GULP1: variants seen among roughly 807,000 people sequenced by gnomAD.
GULP1 encodes the protein GULP PTB domain containing engulfment adaptor 1.
GULP1 carries 19 observed loss-of-function variants against 40.9 expected under a neutral mutation model. The observed-to-expected ratio is 0.46, with a 90% confidence interval of 0.32 to 0.68. The LOEUF is 0.68. Among genes scored for constraint, GULP1 ranks in the 30% least tolerant of loss-of-function variants. The pLI is 0.03. For missense variants in GULP1, 312 were observed against 362.2 expected (o/e 0.86, Z 1.12); for synonymous variants, 119 against 117.6 (o/e 1.01, Z -0.08).
intron 7 of GULP1, among the ~76,000 whole-genome samples, chr2:188,561,748 T>C (rs1460323230): frequency 6.6e-6 from 1 of 152,150 alleles, no homozygotes; most frequent in African/African-American, 2.4e-5. Flanking sequence ...GGCGTTGGCC[T>C]TGGTAGCCAC....
At chr2:188,413,546 TG>T (rs2054188821) in intron 2 of GULP1, among the ~76,000 whole-genome samples, 1 of 152,204 alleles carries the variant, frequency 6.6e-6, no homozygotes, top group Admixed American at 6.5e-5. Context: ...TTTGATTTTT[TG>T]TTGTAAATTT....
At chr2:188,352,618 T>TCACACACACA (rs66499080) in intron 1 of GULP1, among the ~76,000 whole-genome samples, 2,566 of 134,420 alleles carry the variant, frequency 0.019, 33 homozygotes, top group Non-Finnish European at 0.022. Flanking sequence ...TCTCTCTCTC[T>TCACACACACA]CACACACACA....
intron 2 of GULP1, among the ~76,000 whole-genome samples, chr2:188,435,690 A>G (rs1163373566): frequency 5.3e-5 from 8 of 152,102 alleles, no homozygotes; most frequent in Admixed American, 4.6e-4. Flanking sequence ...GGACTCTACT[A>G]GAGAAGAATC....
intron 7 of GULP1, among the ~76,000 whole-genome samples, chr2:188,549,875 C>T (rs980222187): frequency 6.6e-6 from 1 of 151,654 alleles, no homozygotes; most frequent in African/African-American, 2.4e-5. Flanking sequence ...ATTTCTATAA[C>T]ATTCTTAAAA....
At chr2:188,395,302 C>T (rs1162698774) in intron 2 of GULP1, among the ~76,000 whole-genome samples, 2 of 152,202 alleles carry the variant, frequency 1.3e-5, no homozygotes, top group Non-Finnish European at 2.9e-5. Context: ...TGTGCATATT[C>T]CAAGTAGAGT....
intron 1 of GULP1, among the ~76,000 whole-genome samples, chr2:188,302,924 A>G (rs562367442): frequency 6.6e-6 from 1 of 152,244 alleles, no homozygotes; most frequent in African/African-American, 2.4e-5. Context: ...TTTGGCTACA[A>G]ATTCCTACTT....
intron 4 of GULP1, among the ~76,000 whole-genome samples, chr2:188,508,104 G>A (rs1443359453): frequency 1.3e-5 from 2 of 151,788 alleles, no homozygotes; most frequent in Admixed American, 6.6e-5. Flanking sequence ...AAAAATACTC[G>A]TAGAAGTTGC....
At chr2:188,473,460 A>G (rs7579249) in intron 2 of GULP1, among the ~76,000 whole-genome samples, 19,024 of 152,172 alleles carry the variant, frequency 0.13, 1,516 homozygotes, top group Non-Finnish European at 0.18. Context: ...CTGGTGTTCT[A>G]TTGTACTGTG....
intron 2 of GULP1, among the ~76,000 whole-genome samples, chr2:188,466,936 C>G (rs771775617): frequency 2.0e-5 from 3 of 151,996 alleles, no homozygotes; most frequent in African/African-American, 4.8e-5. Context: ...CCAAGTGTCT[C>G]TTTCATAATA....
chr2:188,333,971 G>A (rs912810527), intron 1 of GULP1, among the ~76,000 whole-genome samples: 1 of 152,110 alleles, frequency 6.6e-6, no homozygotes, highest in Non-Finnish European at 1.5e-5. Context: ...CAGCTGCAGG[G>A]CCTGCTGAAT....
rs537000819 is a variant in GULP1, at chr2:188,427,017, T to C, written c.-45+43128T>C. On this transcript the variant is annotated intron_variant, in intron 2 of 11. Coordinates refer to ENST00000409830, the MANE Select transcript of GULP1 (RefSeq NM_016315.4). ...ACTGGAGCAAAGGTCACTTTTGTTA[T>C]AGGTTAGGAAAGAGCTTGGTTGCAT... Among the ~76,000 whole-genome samples the C allele has an allele frequency of 2.6e-5, 4 of 152,276 alleles. No homozygotes were observed. In the East Asian group the frequency reaches 7.7e-4, roughly 29 times the overall value.
At chr2:188,519,549 T>C (rs1290233953) in intron 4 of GULP1, among the ~76,000 whole-genome samples, 1 of 152,188 alleles carries the variant, frequency 6.6e-6, no homozygotes, top group Non-Finnish European at 1.5e-5. Flanking sequence ...CGCAGTGATA[T>C]GATAAATTCA....
intron 3 of GULP1, among the ~76,000 whole-genome samples, chr2:188,478,398 G>A (rs1486028502): frequency 6.6e-6 from 1 of 152,106 alleles, no homozygotes; most frequent in African/African-American, 2.4e-5. Context: ...GGTCAGTGAA[G>A]TTTAAATAAT....
chr2:188,311,741 A>G (rs1252552161), intron 1 of GULP1, among the ~76,000 whole-genome samples: 4 of 148,010 alleles, frequency 2.7e-5, no homozygotes, highest in Non-Finnish European at 6.0e-5. Context: ...TTATAAATCT[A>G]ATATTTATAT....
At chr2:188,372,075 G>C (rs2047672295) in intron 1 of GULP1, among the ~76,000 whole-genome samples, 2 of 152,108 alleles carry the variant, frequency 1.3e-5, no homozygotes, top group Non-Finnish European at 2.9e-5. Flanking sequence ...TGTCGTTGCT[G>C]TGAATGGTTA....
intron 1 of GULP1, among the ~76,000 whole-genome samples, chr2:188,377,630 C>G (rs938324547): frequency 6.6e-6 from 1 of 152,052 alleles, no homozygotes; most frequent in Non-Finnish European, 1.5e-5. Context: ...CCCAAACTTT[C>G]GATTAGGGAT....
intron 4 of GULP1, among the ~76,000 whole-genome samples, chr2:188,490,063 C>G (rs1559300918): frequency 6.6e-6 from 1 of 151,942 alleles, no homozygotes; most frequent in East Asian, 1.9e-4. Flanking sequence ...GAACTAAAAA[C>G]TTTTATTAGT....
At position 188,420,007 on chromosome 2, in the gene GULP1, T is replaced by G. The variant is rs1250933709; in HGVS notation, c.-45+36118T>G. On this transcript the variant is annotated intron_variant, in intron 2 of 11. Transcript: ENST00000409830. ...AGCACCCAGATCAATTGACTATATT[T>G]GTATGGGCTTATTTCTGGGTTCTGT... is the stretch of plus-strand genomic sequence containing the variant. Among the ~76,000 whole-genome samples the G allele has an allele frequency of 2.0e-5, 3 of 152,332 alleles. No homozygotes were observed. The South Asian group carries it at 6.2e-4, about 32-fold the overall frequency.
intron 1 of GULP1, among the ~76,000 whole-genome samples, chr2:188,306,806 G>A (rs1246058005): frequency 1.3e-5 from 2 of 152,212 alleles, no homozygotes; most frequent in Non-Finnish European, 2.9e-5. Flanking sequence ...GTTTTAGAAA[G>A]AGCTGAGTTG....
Sources: gnomAD v4.1 joint callset for allele counts (sites outside exome capture counted in the v4.1 genomes callset) on GRCh38, gnomAD v4.1.1 for gene constraint, MANE v1.5 for transcripts, NCBI Gene and HGNC (gene_info 2026-07-23, HGNC 2026-07-21) for gene names.